Variants in ZNF337 observed in about 807,000 individuals in gnomAD.
ZNF337 encodes the protein zinc finger protein 337.
A neutral mutation model predicts 12.1 loss-of-function variants in ZNF337; 8 were observed. That is an observed-to-expected ratio of 0.66 (90% CI 0.39 to 1.19). The LOEUF (loss-of-function observed/expected upper bound fraction) is 1.19, where lower values mean the gene tolerates loss of function less well. Ranked by LOEUF, ZNF337 falls within the 50% of genes most tolerant of loss-of-function variation. The pLI, the probability that ZNF337 is intolerant of heterozygous loss-of-function variation, is 0.01. For missense variants in ZNF337, 882 were observed against 896.6 expected (o/e 0.98, Z 0.21); for synonymous variants, 336 against 320.0 (o/e 1.05, Z -0.53).
chr20:25,692,489 C>G (rs1340277532), intron 1 of ZNF337, among the ~76,000 whole-genome samples: 1 of 151,988 alleles, frequency 6.6e-6, no homozygotes, highest in Non-Finnish European at 1.5e-5. Flanking sequence ...ATAAGAAGAG[C>G]AAAGTGTTAA....
chr20:25,675,356 G>A lies in ZNF337; in HGVS notation c.1932C>T (p.Leu644=). The change falls in exon 5 of 5, where the codon CTC becomes CTT. Residue 644 remains leucine (L), a synonymous_variant. Transcript: ENST00000252979. ...CCCCTGAGTGTGTCCTCTGGTGTGTGAGGAGATTTCCCTTCCAGTTGAAGC... is the reference window on the plus strand; with the variant it reads ...CCCCTGAGTGTGTCCTCTGGTGTGTAAGGAGATTTCCCTTCCAGTTGAAGC... ...GRGFNWKGNL[L]THQRTHSGEK... The A allele has an allele frequency of 6.2e-7, 1 of 1,613,468 alleles. No individual in the cohort carries two copies. The highest frequency in any genetic ancestry group is 8.5e-7 in the Non-Finnish European group (1 of 1,179,666).
At chr20:25,680,953 A>C (rs2065761634) in intron 4 of ZNF337, 1 of 152,254 alleles carries the variant, frequency 6.6e-6, no homozygotes, top group Non-Finnish European at 1.5e-5. Flanking sequence ...ATCAGCAAGC[A>C]ATTGATATGG....
chr20:25,683,320 A>G (rs1387015466), intron 4 of ZNF337, among the ~76,000 whole-genome samples: 2 of 152,038 alleles, frequency 1.3e-5, no homozygotes, highest in Non-Finnish European at 2.9e-5. Context: ...GAGGGTGCAC[A>G]ATTCTAGACC....
chr20:25,683,397 A>G (rs2122406025), intron 4 of ZNF337, among the ~76,000 whole-genome samples: 1 of 152,288 alleles, frequency 6.6e-6, no homozygotes, highest in South Asian at 2.1e-4. Flanking sequence ...GACCTCTGGC[A>G]ACAGTAGTAC....
intron 4 of ZNF337, among the ~76,000 whole-genome samples, chr20:25,684,986 G>A (rs1174172897): frequency 6.6e-6 from 1 of 151,822 alleles, no homozygotes; most frequent in Middle Eastern, 3.2e-3. Context: ...GGGGGTAGGG[G>A]GCAGGGGAGA....
intron 1 of ZNF337, among the ~76,000 whole-genome samples, chr20:25,691,923 G>A (rs1411851198): frequency 6.6e-6 from 1 of 152,134 alleles, no homozygotes; most frequent in Non-Finnish European, 1.5e-5. Flanking sequence ...GTTGGGACCA[G>A]AACTAGGGCC....
intron 1 of ZNF337, chr20:25,686,719 G>C: frequency 2.1e-6 from 1 of 466,092 alleles, no homozygotes; most frequent in Non-Finnish European, 3.8e-6. Context: ...AAAGGATGAG[G>C]AACACCTGCA....
chr20:25,686,542 T>A, intron 1 of ZNF337, 76 bp from the exon 2 acceptor site: 3 of 1,137,820 alleles, frequency 2.6e-6, no homozygotes, highest in South Asian at 2.9e-5. Context: ...GTGATTCCAA[T>A]ACCAACTGGG....
chr20:25,686,370 G>C (rs184069633), intron 2 of ZNF337, 21 bp downstream of exon 2: 1 of 1,607,364 alleles, frequency 6.2e-7, no homozygotes, highest in Admixed American at 1.7e-5. Context: ...CAGCAAGAAC[G>C]ACAGTTCTGG....
intron 4 of ZNF337, among the ~76,000 whole-genome samples, chr20:25,680,173 A>G (rs1222125304): frequency 6.6e-6 from 1 of 152,182 alleles, no homozygotes; most frequent in East Asian, 1.9e-4. Flanking sequence ...GCAGTTGATT[A>G]TGGGTACAAA....
At position 25,675,070 on chromosome 20, in the gene ZNF337, G is replaced by C. The variant is rs769931874; in HGVS notation, c.2218C>G (p.Arg740Gly). 14 of 1,613,846 alleles carry C rather than the reference G, an allele frequency of 8.7e-6. No individual in the cohort carries two copies. The highest frequency in any genetic ancestry group is 1.3e-5 in the African/African-American group (1 of 74,858). The change falls in exon 5 of 5, where the codon CGT (arginine) becomes GGT (glycine). Residue 740 changes from arginine (R) to glycine (G), a missense_variant. Physicochemically the swap from Arg to Gly is moderately radical, Grantham distance 125. Transcript: ENST00000252979. ...TCACCCACACTCCCTGTACAAAAAC[G>C]CTTCTCACGTAAGTGTCTCTTTAAG... Reference protein sequence around the residue: ...KHLKRHLREKRFCTGSVGEAS... With the variant: ...KHLKRHLREKGFCTGSVGEAS...
At chr20:25,688,989 A>T (rs557415780) in intron 1 of ZNF337, among the ~76,000 whole-genome samples, 1 of 152,068 alleles carries the variant, frequency 6.6e-6, no homozygotes, top group South Asian at 2.1e-4. Context: ...AATACAAAAA[A>T]TAGCCGGGAG....
chr20:25,685,329 TTGAG>T (rs1238267319), intron 4 of ZNF337, among the ~76,000 whole-genome samples: 1 of 151,758 alleles, frequency 6.6e-6, no homozygotes, highest in African/African-American at 2.4e-5. Flanking sequence ...AATGAGGAGA[TTGAG>T]TGGGAGAAAG....
intron 1 of ZNF337, among the ~76,000 whole-genome samples, chr20:25,690,016 T>C (rs2065871229): frequency 6.6e-6 from 1 of 152,214 alleles, no homozygotes; most frequent in Non-Finnish European, 1.5e-5. Context: ...CTGGGCACAG[T>C]GGCTTATTCC....
chr20:25,684,206 G>T (rs1162790716), intron 4 of ZNF337, among the ~76,000 whole-genome samples: 2 of 112,422 alleles, frequency 1.8e-5, no homozygotes, highest in East Asian at 2.9e-4. Flanking sequence ...ACTGTTGTGG[G>T]GTGGGGGGAG....
At chr20:25,695,571 G>A (rs905042916) in intron 1 of ZNF337, among the ~76,000 whole-genome samples, 4 of 152,158 alleles carry the variant, frequency 2.6e-5, no homozygotes, top group African/African-American at 9.7e-5. Flanking sequence ...TCTTTTTGGA[G>A]GCAGGATCTC....
chr20:25,686,308 T>A (rs2065832695), intron 2 of ZNF337, 83 bp downstream of exon 2: 12 of 1,475,232 alleles, frequency 8.1e-6, no homozygotes, highest in Non-Finnish European at 9.4e-6. Context: ...CTTGGTCCTG[T>A]GCTAATAATG....
At chr20:25,682,381 C>G (rs1436176325) in intron 4 of ZNF337, among the ~76,000 whole-genome samples, 1 of 151,928 alleles carries the variant, frequency 6.6e-6, no homozygotes, top group Non-Finnish European at 1.5e-5. Context: ...TAATAGTAGG[C>G]TAAAATATAT....
intron 1 of ZNF337, among the ~76,000 whole-genome samples, chr20:25,690,987 C>T (rs142200113): frequency 4.9e-4 from 75 of 152,134 alleles, no homozygotes; most frequent in African/African-American, 7.2e-4. Context: ...AATAAAGTGA[C>T]GGAAACCTTC....
Sources: gnomAD v4.1 joint callset for allele counts (sites outside exome capture counted in the v4.1 genomes callset) on GRCh38, gnomAD v4.1.1 for gene constraint, MANE v1.5 for transcripts, NCBI Gene and HGNC (gene_info 2026-07-23, HGNC 2026-07-21) for gene names.